The following ELAVL4 variants were observed in gnomAD, a reference collection of about 807,000 sequenced individuals.
ELAVL4 encodes the protein ELAV-like protein 4.
A neutral mutation model predicts 35.6 loss-of-function variants in ELAVL4; 1 was observed. That is an observed-to-expected ratio of 0.03 (90% confidence interval 0.01 to 0.13). The LOEUF is 0.13. Among genes scored for constraint, ELAVL4 ranks in the 10% least tolerant of loss-of-function variants. The pLI is 1.00. For missense variants in ELAVL4, 267 were observed against 464.9 expected, an observed-to-expected ratio of 0.57 and a Z score of 3.91; for synonymous variants, 156 against 171.0, an observed-to-expected ratio of 0.91 and a Z score of 0.69.
intron 1 of ELAVL4, among the ~76,000 whole-genome samples, chr1:50,062,365 C>T (rs1462405592): frequency 1.3e-5 from 2 of 152,104 alleles, no homozygotes; most frequent in African/African-American, 2.4e-5. Context: ...TCTTCCTCCT[C>T]TTGTTCCTGT....
At chr1:50,062,868 C>G (rs761037500) in intron 1 of ELAVL4, among the ~76,000 whole-genome samples, 25 of 152,210 alleles carry the variant, frequency 1.6e-4, no homozygotes, top group Non-Finnish European at 3.2e-4. Context: ...GAGTTTTTAT[C>G]CATTAATCCA....
At chr1:50,110,960 C>G (rs1179485520) in intron 1 of ELAVL4, among the ~76,000 whole-genome samples, 2 of 151,474 alleles carry the variant, frequency 1.3e-5, no homozygotes, top group Admixed American at 6.6e-5. Context: ...ACACTGCAAA[C>G]AGTGTAAAAA....
chr1:50,067,097 T>TGA, intron 1 of ELAVL4, among the ~76,000 whole-genome samples: 1 of 152,262 alleles, frequency 6.6e-6, no homozygotes, highest in East Asian at 1.9e-4. Context: ...AAGGTTTTAT[T>TGA]CACTTTCCCC....
intron 1 of ELAVL4, among the ~76,000 whole-genome samples, chr1:50,130,159 T>C (rs1212367431): frequency 2.6e-5 from 4 of 152,176 alleles, no homozygotes; most frequent in Non-Finnish European, 5.9e-5. Flanking sequence ...CAGTATTTAC[T>C]GACTAATAAA....
intron 4 of ELAVL4, 48 bp from the exon 5 acceptor site, chr1:50,195,513 C>T: frequency 6.3e-7 from 1 of 1,594,404 alleles, no homozygotes. Context: ...AAGATGTTTA[C>T]CAGTTTGGTG....
intron 1 of ELAVL4, among the ~76,000 whole-genome samples, chr1:50,065,235 T>G (rs1664203473): frequency 6.6e-6 from 1 of 152,160 alleles, no homozygotes; most frequent in African/African-American, 2.4e-5. Context: ...TGAAGTCAGT[T>G]TTTGCTGTTA....
chr1:50,092,391 G>T (rs1417492445), intron 1 of ELAVL4, among the ~76,000 whole-genome samples: 1 of 152,192 alleles, frequency 6.6e-6, no homozygotes, highest in Non-Finnish European at 1.5e-5. Flanking sequence ...CCTATGCAGG[G>T]ATGTTCTGGC....
At chr1:50,094,921 C>T (rs1665656750) in intron 1 of ELAVL4, among the ~76,000 whole-genome samples, 1 of 151,924 alleles carries the variant, frequency 6.6e-6, no homozygotes, top group South Asian at 2.1e-4. Context: ...CGGAGTGAGA[C>T]TCCATCTCAA....
At chr1:50,163,543 C>G (rs899472569) in intron 2 of ELAVL4, among the ~76,000 whole-genome samples, 1 of 152,172 alleles carries the variant, frequency 6.6e-6, no homozygotes, top group Admixed American at 6.6e-5. Context: ...CCCATGCTCT[C>G]TCGCCGGGTG....
chr1:50,095,085 A>C (rs930716477), intron 1 of ELAVL4, among the ~76,000 whole-genome samples: 1 of 152,202 alleles, frequency 6.6e-6, no homozygotes, highest in South Asian at 2.1e-4. Flanking sequence ...TTCAGATAGC[A>C]ATGACTGAAT....
At chr1:50,181,048 GTGAGGAAAC>G (rs1481087389) in intron 3 of ELAVL4, 1 of 152,106 alleles carries the variant, frequency 6.6e-6, no homozygotes, top group Non-Finnish European at 1.5e-5. Flanking sequence ...CTTTATACAG[GTGAGGAAAC>G]TGAGGCCCAA....
intron 1 of ELAVL4, among the ~76,000 whole-genome samples, chr1:50,079,872 A>G (rs1029503388): frequency 6.6e-6 from 1 of 152,206 alleles, no homozygotes; most frequent in African/African-American, 2.4e-5. Context: ...AATAAAACTC[A>G]TGCAGTTAGT....
chr1:50,053,275 A>G (rs1001734533), intron 1 of ELAVL4, among the ~76,000 whole-genome samples: 2 of 152,170 alleles, frequency 1.3e-5, no homozygotes, highest in Non-Finnish European at 2.9e-5. Context: ...TAATACTTCC[A>G]TTGACAAACA....
intron 1 of ELAVL4, among the ~76,000 whole-genome samples, chr1:50,049,140 A>G (rs1391939497): frequency 6.6e-6 from 1 of 152,154 alleles, no homozygotes; most frequent in African/African-American, 2.4e-5. Flanking sequence ...TTTTCATAAA[A>G]TCTTCCCACT....
intron 1 of ELAVL4, among the ~76,000 whole-genome samples, chr1:50,134,791 T>C (rs1369418294): frequency 6.6e-6 from 1 of 152,122 alleles, no homozygotes; most frequent in East Asian, 1.9e-4. Flanking sequence ...CCCTCAGCTA[T>C]GGAGAGTTTG....
chr1:50,155,989 C>A (rs1477009457), intron 2 of ELAVL4, among the ~76,000 whole-genome samples: 1 of 152,132 alleles, frequency 6.6e-6, no homozygotes, highest in East Asian at 1.9e-4. Context: ...ACACACACAT[C>A]CCCCAAACAC....
In ELAVL4 at chr1:50,056,849, G is replaced by A. The variant is rs12037854; in HGVS notation, c.18+8667G>A. Reference sequence around the variant, plus strand: ...CAGGAGGCTGAGGCAGGAGAATGGCGTGAACCCGGGAGGCAGAGCTTGCAG... The same window carrying A: ...CAGGAGGCTGAGGCAGGAGAATGGCATGAACCCGGGAGGCAGAGCTTGCAG... On this transcript the variant is annotated intron_variant, in intron 1 of 6. Coordinates refer to the ELAVL4 transcript ENST00000448907. Among the ~76,000 whole-genome samples the A allele has an allele frequency of 8.1e-3, 1,234 of 151,672 alleles. 9 individuals carry two copies. The highest frequency in any genetic ancestry group is 0.031 in the Middle Eastern group (9 of 292).
intron 2 of ELAVL4, chr1:50,174,742 T>C (rs1679690657): frequency 6.6e-6 from 1 of 152,132 alleles, no homozygotes. Flanking sequence ...AGCAAAGGTC[T>C]AAAACAAAAA....
chr1:50,060,640 C>T (rs1267993878), intron 1 of ELAVL4, among the ~76,000 whole-genome samples: 5 of 152,208 alleles, frequency 3.3e-5, no homozygotes, highest in African/African-American at 1.2e-4. Flanking sequence ...CTAACTACTG[C>T]ACTGCCACCA....
Sources: gnomAD v4.1 joint callset for allele counts (sites outside exome capture counted in the v4.1 genomes callset) on GRCh38, gnomAD v4.1.1 for gene constraint, MANE v1.5 for transcripts, NCBI Gene and HGNC (gene_info 2026-07-23, HGNC 2026-07-21) for gene names.